The following RBM3 variants were observed in gnomAD, a reference collection of about 807,000 sequenced individuals.
The protein encoded by RBM3 is RNA-binding protein 3.
In RBM3, 3 loss-of-function variants were observed where a neutral mutation model predicts 12.0. That is an observed-to-expected ratio of 0.25 (90% CI 0.11 to 0.65). The LOEUF is 0.65. Among genes scored for constraint, RBM3 ranks in the 30% least tolerant of loss-of-function variants. The pLI, the probability that RBM3 is intolerant of heterozygous loss-of-function variation, is 0.84. For synonymous variants in RBM3, 58 were observed against 45.7 expected (o/e 1.27, Z -1.08); for missense variants, 108 against 134.5 (o/e 0.80, Z 0.97).
Position 48,575,548 on chromosome X carries a change from C to T in RBM3, c.104-13C>T, listed in dbSNP as rs1556989068. 1 of 1,198,586 alleles carries T rather than the reference C, an allele frequency of 8.3e-7. No homozygotes were observed. Among genetic ancestry groups the T allele is most frequent in the Admixed American group, 2.2e-5 (1 of 45,292 alleles). On this transcript the variant is annotated splice_polypyrimidine_tract_variant and intron_variant, in intron 2 of 6. Transcript: ENST00000376759. ...ACTGGTCCACATTGCTCCATCTTCT[C>T]TCCCTCTCACAGTGGTCGTTGTCAA...
chrX:48,576,482 G>A, intron 4 of RBM3, 26 bp from the exon 5 acceptor site: 1 of 1,194,122 alleles, frequency 8.4e-7, no homozygotes, highest in Non-Finnish European at 1.1e-6. Context: ...GTGGACAACT[G>A]CCATTTAAAT....
intron 3 of RBM3, 151 bp from the exon 4 acceptor site, chrX:48,576,163 G>A: frequency 8.6e-7 from 1 of 1,166,146 alleles, no homozygotes; most frequent in Non-Finnish European, 1.1e-6. Flanking sequence ...GCCATTCTGG[G>A]GTAAAGGAGC....
In RBM3 at chrX:48,579,873, GTCTA is replaced by G. The variant is rs2062095609; in HGVS notation, c.*2436_*2439del. On this transcript the variant is annotated 3_prime_UTR_variant, in exon 7 of 7. Coordinates refer to ENST00000376759, the MANE Select transcript of RBM3 (RefSeq NM_006743.5). ...GCCCAGGGAGTCCCAGTCTCTGGCT[GTCTA>G]TCTGCTCTAAGGAAGAGAGCCCACA... The G allele has an allele frequency of 9.0e-6, 1 of 111,157 alleles. No homozygotes were observed. The highest frequency in any genetic ancestry group is 3.3e-5 in the African/African-American group (1 of 30,195). 9.2% of individuals were successfully genotyped at this position (111,157 alleles called of 1,213,427 possible).
intron 2 of RBM3, 94 bp downstream of exon 2, chrX:48,575,377 C>T (rs1173676832): frequency 3.4e-5 from 31 of 899,247 alleles, no homozygotes; most frequent in African/African-American, 6.0e-5. Flanking sequence ...AGGACCCACG[C>T]CTCCAAATTC....
At chrX:48,576,267 G>C (rs781942014) in intron 3 of RBM3, 47 bp from the exon 4 acceptor site, 2 of 1,181,452 alleles carry the variant, frequency 1.7e-6, no homozygotes. Flanking sequence ...CCTCACCATT[G>C]CCCTGACTGA....
chrX:48,577,096 T>C lies in RBM3; in HGVS notation c.*10T>C. 8.3e-7 allele frequency: 1 copy of C among 1,211,773 alleles called. No homozygotes were observed. Among genetic ancestry groups the C allele is most frequent in the Non-Finnish European group, 1.1e-6 (1 of 895,555 alleles). On this transcript the variant is annotated 3_prime_UTR_variant, in exon 6 of 7. Transcript: ENST00000376759. Reference sequence around the variant, plus strand: ...CAATTATGACAACTGAAATGAGACATGCACATAATATAGGTGAGACTTGGA... The same window carrying C: ...CAATTATGACAACTGAAATGAGACACGCACATAATATAGGTGAGACTTGGA...
intron 5 of RBM3, 107 bp from the exon 6 acceptor site, chrX:48,576,919 C>A: frequency 1.0e-6 from 1 of 969,738 alleles, no homozygotes; most frequent in Non-Finnish European, 1.4e-6. Context: ...GTTTTTGATA[C>A]GTAAGGTTTA....
rs1252385725 is a variant in RBM3, at chrX:48,578,205, T to G, written c.*764T>G. 1 of 111,242 alleles carries G rather than the reference T, an allele frequency of 9.0e-6. No homozygotes were observed. Among genetic ancestry groups the G allele is most frequent in the Admixed American group, 9.7e-5 (1 of 10,356 alleles). 9.2% of individuals were successfully genotyped at this position (111,242 alleles called of 1,213,427 possible). On this transcript the variant is annotated 3_prime_UTR_variant, in exon 7 of 7. Transcript: ENST00000376759. Reference sequence around the variant, plus strand: ...GCAAATGTCTTTTTTTTTTTAATACTGGAAGAAAAAATATTCTGTTGTGTC... The same window carrying G: ...GCAAATGTCTTTTTTTTTTTAATACGGGAAGAAAAAATATTCTGTTGTGTC...
chrX:48,578,318 T>C lies in RBM3; in HGVS notation c.*877T>C, dbSNP rs1172120400. 1 of 110,903 alleles carries C rather than the reference T, an allele frequency of 9.0e-6. No individual in the cohort carries two copies. Among genetic ancestry groups the C allele is most frequent in the Non-Finnish European group, 1.9e-5 (1 of 52,977 alleles). The allele number at this position is 110,903 out of a possible 1,213,427, so 9.1% of individuals were successfully genotyped here. A position where few individuals can be genotyped will look rare whatever the true frequency, so the allele number is the denominator to read the frequency against. On this transcript the variant is annotated 3_prime_UTR_variant, in exon 7 of 7. Coordinates refer to ENST00000376759, the MANE Select transcript of RBM3 (RefSeq NM_006743.5). ...TGCTTTATTCTTACTCAGCCCATTT[T>C]GCAAATTAAAAGTGGGGGCAGAGGT...
At position 48,579,344 on chromosome X, in the gene RBM3, A is replaced by ACC. The variant is rs1256123200; in HGVS notation, c.*1905_*1906dup. Among the ~76,000 whole-genome samples the ACC allele has an allele frequency of 3.6e-5, 4 of 111,763 alleles. No individual in the cohort carries two copies. Among genetic ancestry groups the ACC allele is most frequent in the African/African-American group, 1.3e-4 (4 of 30,779 alleles). On this transcript the variant is annotated 3_prime_UTR_variant, in exon 7 of 7. Transcript: ENST00000376759. The stretch of plus-strand genomic sequence containing the variant: ...TATTCCCTTGCTGGTGCGTTGTGGA[A>ACC]CCCTGTATTATTAGTTCCAGTCCTG...
At position 48,574,537 on chromosome X, in the gene RBM3, C is replaced by A. The variant is rs1346056861; in HGVS notation, c.-50C>A. 1.2e-5 allele frequency: 4 copies of A among 331,182 alleles called. No individual in the cohort carries two copies. In the East Asian group the frequency reaches 2.8e-4, roughly 23 times the overall value. 27.3% of individuals were successfully genotyped at this position (331,182 alleles called of 1,213,427 possible). On this transcript the variant is annotated 5_prime_UTR_variant, in exon 1 of 7. Coordinates refer to ENST00000376759, the MANE Select transcript of RBM3 (RefSeq NM_006743.5). ...CCTGTTTTTTGTGCTCCTCCGAGCT[C>A]GCTGTTCGTCCGGGTTTTTTACGTT... is the stretch of plus-strand genomic sequence containing the variant.
chrX:48,579,774 C>T lies in RBM3; in HGVS notation c.*2333C>T, dbSNP rs912016937. ...TGTTCCTAAGTGGAATCAATGAAGA[C>T]CAAAATTTATTTGTATAACAACTCT... On this transcript the variant is annotated 3_prime_UTR_variant, in exon 7 of 7. Transcript: ENST00000376759. 2 of 111,513 alleles carry T rather than the reference C, an allele frequency of 1.8e-5. No individual in the cohort carries two copies. Among genetic ancestry groups the T allele is most frequent in the Non-Finnish European group, 3.8e-5 (2 of 53,084 alleles). 9.2% of individuals were successfully genotyped at this position (111,513 alleles called of 1,213,427 possible).
At chrX:48,576,464 G>A in intron 4 of RBM3, 44 bp from the exon 5 acceptor site, 1 of 1,198,195 alleles carries the variant, frequency 8.3e-7, no homozygotes, top group East Asian at 3.0e-5. Context: ...AGGGAGAGTT[G>A]CCTATGTGTG....
chrX:48,580,846 A>T lies in RBM3; in HGVS notation c.*3405A>T, dbSNP rs935653632. 9.0e-6 allele frequency: 1 copy of T among 111,700 alleles called. No homozygotes were observed. The highest frequency in any genetic ancestry group is 1.9e-5 in the Non-Finnish European group (1 of 53,170). 9.2% of individuals were successfully genotyped at this position (111,700 alleles called of 1,213,427 possible). On this transcript the variant is annotated 3_prime_UTR_variant, in exon 7 of 7. Coordinates refer to ENST00000376759, the MANE Select transcript of RBM3 (RefSeq NM_006743.5). ...ATAAGTTGCTGTGAATACTTCAGGT[A>T]TATAAAAAAACATTGGTTGACAATA...
At chrX:48,576,637 T>C (rs1556989351) in intron 5 of RBM3, 33 bp downstream of exon 5, 2 of 1,160,434 alleles carry the variant, frequency 1.7e-6, no homozygotes, top group Admixed American at 5.3e-5. Flanking sequence ...TGTTCTCCTA[T>C]TGCTTCCCTC....
At chrX:48,576,287 C>T (rs782520919) in intron 3 of RBM3, 27 bp from the exon 4 acceptor site, 4 of 1,197,243 alleles carry the variant, frequency 3.3e-6, no homozygotes, top group Non-Finnish European at 4.5e-6. Flanking sequence ...ACTGCCAACC[C>T]ATCATCCTTG....
intron 5 of RBM3, among the ~76,000 whole-genome samples, 176 bp from the exon 6 acceptor site, chrX:48,576,850 C>T (rs893585941): frequency 5.4e-5 from 6 of 111,854 alleles, no homozygotes; most frequent in African/African-American, 2.0e-4. Context: ...TAATATACTG[C>T]GTATAAATCG....
chrX:48,580,250 C>G lies in RBM3; in HGVS notation c.*2809C>G, dbSNP rs1406366651. ...GGCTTTTGGTTTTCAATTAGGCTTT[C>G]AAGTCCTAAGCCCAACCCCTCCTAT... is the stretch of plus-strand genomic sequence containing the variant. On this transcript the variant is annotated 3_prime_UTR_variant, in exon 7 of 7. Transcript: ENST00000376759. Among the ~76,000 whole-genome samples the G allele has an allele frequency of 2.7e-5, 3 of 112,017 alleles. No individual in the cohort carries two copies. The highest frequency in any genetic ancestry group is 9.7e-5 in the African/African-American group (3 of 30,864).
chrX:48,576,630 T>C, intron 5 of RBM3, 26 bp downstream of exon 5: 1 of 1,162,939 alleles, frequency 8.6e-7, no homozygotes, highest in Non-Finnish European at 1.1e-6. Context: ...GCTGGGATGT[T>C]CTCCTATTGC....
Sources: gnomAD v4.1 joint callset for allele counts (sites outside exome capture counted in the v4.1 genomes callset) on GRCh38, gnomAD v4.1.1 for gene constraint, MANE v1.5 for transcripts, NCBI Gene and HGNC (gene_info 2026-07-23, HGNC 2026-07-21) for gene names.